DNAH14: variants seen among roughly 807,000 people sequenced by gnomAD.
The protein encoded by DNAH14 is dynein axonemal heavy chain 14, also known as axonemal beta dynein heavy chain 14.
In DNAH14, 478 loss-of-function variants were observed where a neutral mutation model predicts 520.9. The observed-to-expected ratio is 0.92, with a 90% CI of 0.85 to 0.99. The LOEUF is 0.99. Among genes scored for constraint, DNAH14 ranks in the 50% least tolerant of loss-of-function variants. The probability of loss-of-function intolerance (pLI) is 0.00; values close to 1 mark genes in which losing one functional copy is unlikely to be tolerated. For synonymous variants in DNAH14, 1,581 were observed against 1,757.2 expected, an observed-to-expected ratio of 0.90 and a Z score of 2.51; for missense variants, 4,831 against 5,234.5, an observed-to-expected ratio of 0.92 and a Z score of 2.38.
At chr1:225,258,716 T>G (rs367671275) in intron 45 of DNAH14, among the ~76,000 whole-genome samples, 1 of 152,176 alleles carries the variant, frequency 6.6e-6, no homozygotes, top group African/African-American at 2.4e-5. Context: ...ATCTTTACTT[T>G]AATACTTAAT....
At position 225,089,424 on chromosome 1, in the gene DNAH14, A is replaced by G. The variant is rs1391263179; in HGVS notation, c.3573+3635A>G. On this transcript the variant is annotated intron_variant, in intron 21 of 85. Coordinates refer to ENST00000682510, the MANE Select transcript of DNAH14 (RefSeq NM_001367479.1). ...GTGTCTTTGCACTCCAGCCTGGGCA[A>G]CAAGAGCAAAACTCCGTCAAAAAAA... Among the ~76,000 whole-genome samples the G allele has an allele frequency of 2.0e-5, 3 of 147,454 alleles. 1 individual carries two copies.
At chr1:225,292,468 T>C (rs1035689215) in intron 55 of DNAH14, among the ~76,000 whole-genome samples, 1 of 152,180 alleles carries the variant, frequency 6.6e-6, no homozygotes, top group Non-Finnish European at 1.5e-5. Context: ...GTGTCTGTTT[T>C]TGTTCCCATA....
intron 1 of DNAH14, among the ~76,000 whole-genome samples, chr1:224,940,977 G>A (rs1346908282): frequency 6.6e-6 from 1 of 152,024 alleles, no homozygotes; most frequent in Non-Finnish European, 1.5e-5. Flanking sequence ...CGCAATTAAC[G>A]TACCTGTGCA....
At chr1:225,204,619 A>T (rs1573969234) in intron 39 of DNAH14, among the ~76,000 whole-genome samples, 2 of 152,204 alleles carry the variant, frequency 1.3e-5, no homozygotes, top group South Asian at 4.1e-4. Context: ...TGGGACTCCA[A>T]ACAATTTGTA....
intron 9 of DNAH14, among the ~76,000 whole-genome samples, chr1:225,006,683 G>C (rs1306534956): frequency 6.6e-6 from 1 of 152,148 alleles, no homozygotes; most frequent in Non-Finnish European, 1.5e-5. Flanking sequence ...GACATTTATC[G>C]ATGACAATGC....
At chr1:225,308,260 T>C (rs1273359754) in intron 59 of DNAH14, 25 bp from the exon 60 acceptor site, 2 of 1,519,584 alleles carry the variant, frequency 1.3e-6, no homozygotes, top group East Asian at 2.5e-5. Flanking sequence ...AAATTCATTC[T>C]AAGAACAATT....
chr1:225,240,850 A>G (rs959348279), intron 43 of DNAH14, 28 bp downstream of exon 43: 1 of 1,398,248 alleles, frequency 7.2e-7, no homozygotes, highest in Non-Finnish European at 9.8e-7. Flanking sequence ...AATCATAACT[A>G]TACTTATTTT....
At chr1:224,964,662 T>A in intron 5 of DNAH14, 53 bp downstream of exon 5, 2 of 1,336,028 alleles carry the variant, frequency 1.5e-6, no homozygotes, top group Non-Finnish European at 2.0e-6. Flanking sequence ...ATTGAAATTA[T>A]ATTTTAATTT....
intron 23 of DNAH14, among the ~76,000 whole-genome samples, chr1:225,113,582 C>T (rs1049849160): frequency 2.6e-5 from 4 of 152,306 alleles, no homozygotes; most frequent in African/African-American, 9.6e-5. Flanking sequence ...TGAGTTCCCC[C>T]TGGGCCCTGG....
At chr1:225,220,160 AAAT>A (rs1262817030) in intron 41 of DNAH14, among the ~76,000 whole-genome samples, 1 of 152,196 alleles carries the variant, frequency 6.6e-6, no homozygotes, top group African/African-American at 2.4e-5. Flanking sequence ...ACATATCTCA[AAAT>A]AATAAGAGCT....
At chr1:225,012,685 GT>G (rs2064887785) in intron 10 of DNAH14, among the ~76,000 whole-genome samples, 1 of 151,954 alleles carries the variant, frequency 6.6e-6, no homozygotes, top group Non-Finnish European at 1.5e-5. Flanking sequence ...CTCTAGGCTT[GT>G]CTTCACACTT....
intron 17 of DNAH14, among the ~76,000 whole-genome samples, chr1:225,077,347 A>G (rs1052262189): frequency 6.6e-6 from 1 of 152,010 alleles, no homozygotes; most frequent in Non-Finnish European, 1.5e-5. Flanking sequence ...ATAGTCTATA[A>G]TTTTCTTTTA....
rs769411866 is a variant in DNAH14, at chr1:225,231,093, T to C, written c.6460T>C (p.Ser2154Pro). Residue 2154 changes from serine (S) to proline (P), a missense_variant, in exon 42 of 86, where the codon TCA becomes CCA. Physicochemically the swap from Ser to Pro is moderately conservative, Grantham distance 74. Coordinates refer to ENST00000682510, the MANE Select transcript of DNAH14 (RefSeq NM_001367479.1). ...FEQSDDLNDT[S>P]SKEANSQRES... ...TTAAGGTGATGATTTGAATGACACG[T>C]CATCTAAGGAGGCAAATTCCCAAAG... 3.9e-6 allele frequency: 6 copies of C among 1,548,154 alleles called. No individual in the cohort carries two copies. Among genetic ancestry groups the C allele is most frequent in the Non-Finnish European group, 5.2e-6 (6 of 1,145,382 alleles).
At chr1:225,143,522 A>C (rs1455029364) in intron 28 of DNAH14, among the ~76,000 whole-genome samples, 1 of 152,308 alleles carries the variant, frequency 6.6e-6, no homozygotes, top group East Asian at 1.9e-4. Context: ...ACACTACTAC[A>C]TGATAGCATA....
At chr1:225,178,562 C>G (rs2083595839) in intron 36 of DNAH14, among the ~76,000 whole-genome samples, 1 of 152,138 alleles carries the variant, frequency 6.6e-6, no homozygotes, top group East Asian at 1.9e-4. Flanking sequence ...CTATATCAGG[C>G]TATGTTTATC....
At chr1:225,265,390 G>C (rs2093074538) in intron 48 of DNAH14, 21 bp downstream of exon 48, 1 of 1,504,176 alleles carries the variant, frequency 6.6e-7, no homozygotes, top group Non-Finnish European at 8.8e-7. Flanking sequence ...TCTCATACCT[G>C]TTCAATAATC....
At chr1:225,059,923 T>C (rs951751364) in intron 17 of DNAH14, among the ~76,000 whole-genome samples, 1 of 152,210 alleles carries the variant, frequency 6.6e-6, no homozygotes. Flanking sequence ...CTTCCCTTTG[T>C]GGGTAACCCG....
chr1:225,064,291 T>C (rs1476221492), intron 17 of DNAH14, among the ~76,000 whole-genome samples: 1 of 152,094 alleles, frequency 6.6e-6, no homozygotes. Context: ...AAAAAGGTTA[T>C]GGAGAAACTA....
chr1:225,057,315 A>G (rs930246759), intron 17 of DNAH14, among the ~76,000 whole-genome samples: 2 of 152,228 alleles, frequency 1.3e-5, no homozygotes, highest in Non-Finnish European at 2.9e-5. Context: ...AAGTTCGCTC[A>G]TGATTTGGCT....
Sources: allele counts gnomAD v4.1 joint callset (sites outside exome capture counted in the v4.1 genomes callset), GRCh38; gene constraint gnomAD v4.1.1; transcripts MANE v1.5; gene names NCBI Gene and HGNC (gene_info 2026-07-23, HGNC 2026-07-21).